Variants in CELF2 observed in about 807,000 individuals in gnomAD.
CELF2 encodes the protein CUGBP Elav-like family member 2, also known as CUG triplet repeat RNA-binding protein 2.
In CELF2, 8 loss-of-function variants were observed where a neutral mutation model predicts 62.6. The ratio of observed to expected loss-of-function variants is 0.13; its 90% CI spans 0.07 to 0.23. The LOEUF is 0.23. Among genes scored for constraint, CELF2 ranks in the 10% least tolerant of loss-of-function variants. The pLI, the probability that CELF2 is intolerant of heterozygous loss-of-function variation, is 1.00. For synonymous variants in CELF2, 258 were observed against 250.0 expected (o/e 1.03, Z -0.30); for missense variants, 333 against 671.0 (o/e 0.50, Z 5.56).
the CELF2 span, among the ~76,000 whole-genome samples, chr10:10,572,009 C>G: frequency 1.3e-5 from 2 of 152,084 alleles, no homozygotes; most frequent in Admixed American, 1.3e-4. Context: ...CTCAGTGGGG[C>G]AGAGCATGTT....
chr10:10,999,884 C>T (rs907883124), intron 2 of CELF2, among the ~76,000 whole-genome samples: 31 of 152,326 alleles, frequency 2.0e-4, no homozygotes, highest in African/African-American at 6.3e-4. Flanking sequence ...AGATAATGGT[C>T]GAGTAACGTA....
the CELF2 span, among the ~76,000 whole-genome samples, chr10:10,466,605 A>T: frequency 6.6e-6 from 1 of 152,134 alleles, no homozygotes; most frequent in African/African-American, 2.4e-5. Context: ...AGATATGTTG[A>T]AATGTATAAG....
At chr10:11,192,025 G>T (rs1394423734) in intron 2 of CELF2, among the ~76,000 whole-genome samples, 1 of 152,168 alleles carries the variant, frequency 6.6e-6, no homozygotes, top group African/African-American at 2.4e-5. Context: ...TATTGAGGAA[G>T]TGTCACCTGC....
the CELF2 span, among the ~76,000 whole-genome samples, chr10:10,496,932 G>A: frequency 6.6e-6 from 1 of 152,254 alleles, no homozygotes; most frequent in South Asian, 2.1e-4. Flanking sequence ...GTTCATGCCT[G>A]TAATCCCAGC....
the CELF2 span, among the ~76,000 whole-genome samples, chr10:10,540,849 C>T: frequency 2.0e-5 from 3 of 152,176 alleles, no homozygotes; most frequent in Admixed American, 6.5e-5. Context: ...CAACTGTATG[C>T]TAATCCAAAG....
In CELF2 at chr10:11,191,497, C is replaced by T. The variant is rs1215069086; in HGVS notation, c.271+25815C>T. Among the ~76,000 whole-genome samples the T allele has an allele frequency of 6.6e-6, 1 of 152,102 alleles. No homozygotes were observed. The highest frequency in any genetic ancestry group is 1.9e-4 in the East Asian group (1 of 5,188). ...GGACGTGCTGTGGGGCGTCAGCTAC[C>T]AACCTTGTGGTCTCGGGAAAGTGAC... On this transcript the variant is annotated intron_variant, in intron 2 of 12. Transcript: ENST00000633077. The surrounding 1 kb of genome is among the most constrained non-coding windows in gnomAD (Gnocchi z 4.1).
the CELF2 span, among the ~76,000 whole-genome samples, chr10:10,583,423 G>A: frequency 1.3e-5 from 2 of 152,072 alleles, no homozygotes; most frequent in South Asian, 2.1e-4. Flanking sequence ...TGTGCTGTTG[G>A]CAAAAACAAT....
chr10:10,584,180 A>T, the CELF2 span, among the ~76,000 whole-genome samples: 1 of 152,176 alleles, frequency 6.6e-6, no homozygotes, highest in Non-Finnish European at 1.5e-5. Context: ...AGCCCTGATA[A>T]AAGAAAAATT....
the CELF2 span, among the ~76,000 whole-genome samples, chr10:10,620,166 TTTTTGTAAATAAAGTTGTA>T: frequency 6.6e-6 from 1 of 152,184 alleles, no homozygotes; most frequent in South Asian, 2.1e-4. Context: ...CCACTACCTG[TTTTTGTAAATAAAGTTGTA>T]TTGGAATATA....
chr10:10,798,669 C>A (rs1020458500), exon 1 of CELF2: 10 of 398,598 alleles, frequency 2.5e-5, no homozygotes, highest in African/African-American at 2.1e-4. Context: ...CGCGGGGCGC[C>A]AGGGCCCGGC....
At chr10:11,104,077 T>G (rs1470011248) in intron 1 of CELF2, among the ~76,000 whole-genome samples, 1 of 152,194 alleles carries the variant, frequency 6.6e-6, no homozygotes, top group Non-Finnish European at 1.5e-5. Context: ...GTCTCCAGCA[T>G]TAATCTGATG....
chr10:11,298,529 C>A (rs1200689936), intron 9 of CELF2, among the ~76,000 whole-genome samples: 1 of 152,190 alleles, frequency 6.6e-6, no homozygotes, highest in African/African-American at 2.4e-5. Flanking sequence ...AGTCAACCTA[C>A]AGAATGTAAC....
At chr10:11,056,288 TTTG>T (rs1307191348) in intron 1 of CELF2, among the ~76,000 whole-genome samples, 1 of 152,248 alleles carries the variant, frequency 6.6e-6, no homozygotes, top group African/African-American at 2.4e-5. Context: ...TAAATGAGGC[TTTG>T]TTGTTTCTGC....
At position 11,237,413 on chromosome 10, in the gene CELF2, A is replaced by G. The variant is rs1451520176; in HGVS notation, c.355-11740A>G. Among the ~76,000 whole-genome samples the G allele has an allele frequency of 6.6e-6, 1 of 152,194 alleles. No individual in the cohort carries two copies. The highest frequency in any genetic ancestry group is 2.4e-5 in the African/African-American group (1 of 41,448). On this transcript the variant is annotated intron_variant, in intron 3 of 12. Coordinates refer to ENST00000633077, the MANE Select transcript of CELF2 (RefSeq NM_001326342.2). The surrounding 1 kb of genome is among the most constrained non-coding windows in gnomAD (Gnocchi z 4.0). ...CAGGTCATTTCCTATGGGGTGAGGC[A>G]GGAGTGTGGCTGGAAGAGTCTGAGT...
the CELF2 span, among the ~76,000 whole-genome samples, chr10:10,680,627 T>C: frequency 2.6e-5 from 4 of 152,230 alleles, no homozygotes; most frequent in African/African-American, 9.6e-5. Flanking sequence ...TGTCTCCAGC[T>C]TCACCAAAAA....
intron 5 of CELF2, among the ~76,000 whole-genome samples, chr10:11,264,412 C>G (rs918891341): frequency 6.6e-6 from 1 of 152,212 alleles, no homozygotes; most frequent in Non-Finnish European, 1.5e-5. Flanking sequence ...GCACATGGTG[C>G]TGGATAATAA....
At chr10:10,795,973 A>G (rs1405773612), upstream of CELF2, among the ~76,000 whole-genome samples, 1 of 151,798 alleles carries the variant, frequency 6.6e-6, no homozygotes, top group South Asian at 2.1e-4. Flanking sequence ...TCCCCACCCC[A>G]GTGTCTGGGC....
chr10:11,253,405 G>A (rs1338792687), intron 4 of CELF2, among the ~76,000 whole-genome samples: 2 of 152,198 alleles, frequency 1.3e-5, no homozygotes, highest in Non-Finnish European at 2.9e-5. Flanking sequence ...AGAGGGTGCA[G>A]ACCTGCAAAG....
At chr10:10,874,610 G>C (rs1171450649) in intron 1 of CELF2, among the ~76,000 whole-genome samples, 1 of 152,122 alleles carries the variant, frequency 6.6e-6, no homozygotes, top group Non-Finnish European at 1.5e-5. Context: ...CAAATTGTTA[G>C]TGTGATTTGT....
Sources: gnomAD v4.1 joint callset for allele counts (sites outside exome capture counted in the v4.1 genomes callset) on GRCh38, gnomAD v4.1.1 for gene constraint, Gnocchi (gnomAD v3.1) non-coding constraint, MANE v1.5 for transcripts, NCBI Gene and HGNC (gene_info 2026-07-23, HGNC 2026-07-21) for gene names.